The following MED1 variants were observed in gnomAD, a reference collection of about 807,000 sequenced individuals.
The protein encoded by MED1 is mediator complex subunit 1.
In MED1, 17 loss-of-function variants were observed where a neutral mutation model predicts 121.3. The ratio of observed to expected loss-of-function variants is 0.14; its 90% CI spans 0.10 to 0.21. The LOEUF is 0.21. Ranked by LOEUF, MED1 falls within the 10% of genes least tolerant of loss-of-function variation. MED1 has a pLI of 1.00. For missense variants in MED1, 1,558 were observed against 1,919.4 expected, an observed-to-expected ratio of 0.81 and a Z score of 3.52; for synonymous variants, 661 against 694.4, an observed-to-expected ratio of 0.95 and a Z score of 0.76.
intron 13 of MED1, among the ~76,000 whole-genome samples, chr17:39,422,864 T>TC (rs2048479762): frequency 3.9e-5 from 1 of 25,664 alleles, no homozygotes; most frequent in Non-Finnish European, 1.9e-4. Context: ...CCGAGATTTC[T>TC]TTTTTTTTTT....
intron 14 of MED1, among the ~76,000 whole-genome samples, chr17:39,418,442 AG>A (rs1342627179): frequency 6.6e-6 from 1 of 151,666 alleles, no homozygotes; most frequent in Non-Finnish European, 1.5e-5. Context: ...CTAAGGCAGG[AG>A]GATCGCTTGA....
chr17:39,447,904 T>G lies in MED1; in HGVS notation c.26A>C (p.Glu9Ala). MKAQGETEESEKLSKMSSL... is the reference protein window; with the variant it reads MKAQGETEASEKLSKMSSL... The stretch of plus-strand genomic sequence containing the variant: ...ACTCATCTTACTCAGCTTTTCTGAC[T>G]CTATGATTTAAATCAGAAAACGTTA... The change falls in exon 2 of 17, where the codon GAG becomes GCG. Residue 9 changes from glutamate (E) to alanine (A), a missense_variant and splice_region_variant. Transcript: ENST00000300651. The G allele has an allele frequency of 6.2e-7, 1 of 1,604,290 alleles. No homozygotes were observed. Among genetic ancestry groups the G allele is most frequent in the Non-Finnish European group, 8.5e-7 (1 of 1,172,448 alleles).
At chr17:39,443,856 A>G (rs2048702124) in intron 2 of MED1, among the ~76,000 whole-genome samples, 1 of 152,104 alleles carries the variant, frequency 6.6e-6, no homozygotes. Flanking sequence ...TCAGCCAGGC[A>G]CGTGGCTCAT....
At position 39,409,507 on chromosome 17, in the gene MED1, G is replaced by T. The variant is rs752404122; in HGVS notation, c.2714C>A (p.Thr905Asn). The T allele has an allele frequency of 1.9e-5, 30 of 1,613,992 alleles. No homozygotes were observed. The highest frequency in any genetic ancestry group is 2.5e-5 in the Non-Finnish European group (29 of 1,180,036). ...ACCTCCAAGCATTGGCACCCCCAAA[G>T]TATTTAGTGCCTGAGATGCAAATCC... is the stretch of plus-strand genomic sequence containing the variant. ...FKGFASQALNTLGVPMLGGDN... is the reference protein window; with the variant it reads ...FKGFASQALNNLGVPMLGGDN... Residue 905 changes from threonine to asparagine, a missense_variant, in exon 17 of 17, where the codon ACT becomes AAT. Around this residue, in one of 5 missense-constraint regions of MED1, gnomAD observed 793 missense variants for 898.2 expected, o/e 0.88. Coordinates refer to ENST00000300651, the MANE Select transcript of MED1 (RefSeq NM_004774.4).
At chr17:39,448,225 C>T (rs1200504878) in intron 1 of MED1, among the ~76,000 whole-genome samples, 1 of 150,916 alleles carries the variant, frequency 6.6e-6, no homozygotes, top group East Asian at 1.9e-4. Context: ...ACAAAATTAG[C>T]CAGATGTGGT....
chr17:39,421,953 C>A (rs1033840927), intron 13 of MED1, among the ~76,000 whole-genome samples: 1 of 151,116 alleles, frequency 6.6e-6, no homozygotes, highest in Non-Finnish European at 1.5e-5. Flanking sequence ...ATGGTGAAAT[C>A]CCGTCTCTAC....
At chr17:39,446,468 A>C (rs1055454467) in intron 2 of MED1, among the ~76,000 whole-genome samples, 4 of 126,080 alleles carry the variant, frequency 3.2e-5, no homozygotes, top group African/African-American at 5.4e-5. Flanking sequence ...AAAAAAAAAA[A>C]CGATTTCTAC....
chr17:39,424,451 C>T (rs59869016), intron 11 of MED1, among the ~76,000 whole-genome samples, 176 bp downstream of exon 11: 15,651 of 152,090 alleles, frequency 0.1, 864 homozygotes, highest in African/African-American at 0.15. Context: ...ATGTGTTCTA[C>T]GAGCCGACTT....
chr17:39,408,954 C>A lies in MED1; in HGVS notation c.3267G>T (p.Val1089=), dbSNP rs1292629276. 1 of 1,614,158 alleles carries A rather than the reference C, an allele frequency of 6.2e-7. No individual in the cohort carries two copies. Among genetic ancestry groups the A allele is most frequent in the South Asian group, 1.1e-5 (1 of 91,082 alleles). Residue 1089 remains valine, a synonymous_variant, in exon 17 of 17, where the codon GTG becomes GTT. Coordinates refer to ENST00000300651, the MANE Select transcript of MED1 (RefSeq NM_004774.4). This position sits in a 1 kb window ranked among gnomAD's most constrained non-coding sequence, Gnocchi z 4.7. ...GGTGGCTTTTGCTGCCTGAGGAAGA[C>A]ACAGAACCACTGCTGGTATACTGAC... The part of the protein sequence containing the change: ...SHSQYTSSGS[V]SSSGSKSHHS...
chr17:39,423,015 G>A (rs1369677691), intron 13 of MED1, among the ~76,000 whole-genome samples: 2 of 151,098 alleles, frequency 1.3e-5, no homozygotes, highest in South Asian at 2.1e-4. Flanking sequence ...ACAGGCACCC[G>A]CCACCACACA....
chr17:39,448,661 G>C (rs1323023840), intron 1 of MED1, among the ~76,000 whole-genome samples: 3 of 152,070 alleles, frequency 2.0e-5, no homozygotes, highest in Non-Finnish European at 4.4e-5. Context: ...TGTAATCCCA[G>C]CACTTTGGGA....
intron 7 of MED1, among the ~76,000 whole-genome samples, chr17:39,432,615 G>A (rs1411501398): frequency 3.3e-5 from 5 of 151,392 alleles, no homozygotes; most frequent in Non-Finnish European, 2.9e-5. Flanking sequence ...TTAGCCAGGC[G>A]TGGCAGCATG....
chr17:39,450,949 GC>G, intron 1 of MED1, 88 bp downstream of exon 1: 2 of 1,161,066 alleles, frequency 1.7e-6, no homozygotes, highest in Middle Eastern at 2.0e-4. Context: ...CCCTAAAGTG[GC>G]CCCCATGGGA....
At chr17:39,441,516 A>G (rs1294526434) in intron 3 of MED1, among the ~76,000 whole-genome samples, 2 of 152,236 alleles carry the variant, frequency 1.3e-5, no homozygotes, top group Non-Finnish European at 2.9e-5. Flanking sequence ...TGACGCCTGT[A>G]ATCCTAACAC....
chr17:39,408,973 T>C lies in MED1; in HGVS notation c.3248A>G (p.Tyr1083Cys), dbSNP rs763400885. 3 of 1,614,232 alleles carry C rather than the reference T, an allele frequency of 1.9e-6. No homozygotes were observed. The highest frequency in any genetic ancestry group is 2.5e-6 in the Non-Finnish European group (3 of 1,180,036). ...GGAAGACACAGAACCACTGCTGGTA[T>C]ACTGACTGTGAGAGGAAGGCTTGCC... ...MVGKPSSHSQ[Y>C]TSSGSVSSSG... The change falls in exon 17 of 17, where the codon TAT becomes TGT. Residue 1083 changes from tyrosine (Y) to cysteine (C), a missense_variant. Around this residue, in one of 5 missense-constraint regions of MED1, gnomAD observed 793 missense variants for 898.2 expected, o/e 0.88. Coordinates refer to ENST00000300651, the MANE Select transcript of MED1 (RefSeq NM_004774.4). This position sits in a 1 kb window ranked among gnomAD's most constrained non-coding sequence, Gnocchi z 4.7.
Position 39,405,038 on chromosome 17 carries a change from G to T in MED1, c.*2437C>A. On this transcript the variant is annotated 3_prime_UTR_variant, in exon 17 of 17. Coordinates refer to ENST00000300651, the MANE Select transcript of MED1 (RefSeq NM_004774.4). ...CATAAGACACCAGCAGCAGAAGATAGGTAGAAGTTGACTTCATGTCCTTGC... is the reference window on the plus strand; with the variant it reads ...CATAAGACACCAGCAGCAGAAGATATGTAGAAGTTGACTTCATGTCCTTGC... 1.7e-6 allele frequency: 1 copy of T among 598,054 alleles called. No homozygotes were observed. Among genetic ancestry groups the T allele is most frequent in the Non-Finnish European group, 2.7e-6 (1 of 365,308 alleles). 37.0% of individuals were successfully genotyped at this position (598,054 alleles called of 1,614,324 possible). A position where few individuals can be genotyped will look rare whatever the true frequency, so the allele number is the denominator to read the frequency against.
In MED1 at chr17:39,440,372, TCAA is replaced by T; in HGVS notation, c.399+11_399+13del. 6.5e-7 allele frequency: 1 copy of T among 1,542,920 alleles called. No homozygotes were observed. The highest frequency in any genetic ancestry group is 8.7e-7 in the Non-Finnish European group (1 of 1,152,916). On this transcript the variant is annotated intron_variant, in intron 5 of 16. Coordinates refer to ENST00000300651, the MANE Select transcript of MED1 (RefSeq NM_004774.4). This position sits in a 1 kb window ranked among gnomAD's most constrained non-coding sequence, Gnocchi z 4.1. ...AAACCCCACAGATTCCAGTGAAATA[TCAA>T]CAACACATACCACAGGATTCTCCCC...
In MED1 at chr17:39,408,002, T is replaced by G; in HGVS notation, c.4219A>C (p.Lys1407Gln). Residue 1407 changes from lysine to glutamine, a missense_variant, in exon 17 of 17, where the codon AAA becomes CAA. This residue lies in a region of MED1 where 264 missense variants were observed against 326.1 expected (regional missense o/e 0.81). Transcript: ENST00000300651. The surrounding 1 kb of genome is among the most constrained non-coding windows in gnomAD (Gnocchi z 4.7). ...HDGGSPSIKAKVTLQKPGESS... is the reference protein window; with the variant it reads ...HDGGSPSIKAQVTLQKPGESS... The stretch of plus-strand genomic sequence containing the variant: ...TCCCCAGGTTTCTGCAAAGTCACTT[T>G]GGCTTTAATGCTAGGGGAGCCTCCA... 1.2e-6 allele frequency: 2 copies of G among 1,614,172 alleles called. No homozygotes were observed. The highest frequency in any genetic ancestry group is 1.7e-6 in the Non-Finnish European group (2 of 1,180,044).
At chr17:39,447,220 G>A (rs976432017) in intron 2 of MED1, among the ~76,000 whole-genome samples, 8 of 151,670 alleles carry the variant, frequency 5.3e-5, no homozygotes, top group African/African-American at 1.2e-4. Flanking sequence ...GAGAAACCCC[G>A]TCTCTACAAA....
Sources: allele counts gnomAD v4.1 joint callset (sites outside exome capture counted in the v4.1 genomes callset), GRCh38; gene constraint gnomAD v4.1.1; regional missense constraint gnomAD v4.1.1; non-coding constraint Gnocchi (gnomAD v3.1); transcripts MANE v1.5; gene names NCBI Gene and HGNC (gene_info 2026-07-23, HGNC 2026-07-21).